ARSB: variants seen among roughly 807,000 people sequenced by gnomAD.
ARSB encodes N-acetylgalactosamine-4-sulfatase.
ARSB carries 41 observed loss-of-function variants against 50.9 expected under a neutral mutation model. The ratio of observed to expected loss-of-function variants is 0.81; its 90% CI spans 0.63 to 1.04. The LOEUF (loss-of-function observed/expected upper bound fraction) is 1.04, where lower values mean the gene tolerates loss of function less well. Among genes scored for constraint, ARSB ranks in the 50% least tolerant of loss-of-function variants. ARSB has a pLI of 0.00. For synonymous variants in ARSB, 269 were observed against 284.8 expected, an observed-to-expected ratio of 0.94 and a Z score of 0.56; for missense variants, 672 against 693.3, an observed-to-expected ratio of 0.97 and a Z score of 0.35.
intron 5 of ARSB, among the ~76,000 whole-genome samples, chr5:78,869,900 A>C (rs1747034987): frequency 6.6e-6 from 1 of 151,526 alleles, no homozygotes; most frequent in African/African-American, 2.4e-5. Context: ...GGATCAACAA[A>C]ATTGATAGAC....
intron 1 of ARSB, among the ~76,000 whole-genome samples, chr5:78,971,979 C>T (rs1752472574): frequency 1.3e-5 from 2 of 152,244 alleles, no homozygotes; most frequent in African/African-American, 4.8e-5. Context: ...AGACACCTAT[C>T]TACATTGGGA....
intron 3 of ARSB, among the ~76,000 whole-genome samples, chr5:78,957,290 G>A (rs1339560366): frequency 1.4e-4 from 22 of 152,186 alleles, no homozygotes; most frequent in Non-Finnish European, 4.4e-5. Context: ...TGGTGGGGGG[G>A]TGGTGCTCAT....
intron 4 of ARSB, among the ~76,000 whole-genome samples, chr5:78,937,196 A>G (rs372915399): frequency 2.0e-5 from 3 of 151,200 alleles, no homozygotes; most frequent in East Asian, 3.9e-4. Context: ...GTAAACCCAA[A>G]CAAATTGGAA....
intron 4 of ARSB, among the ~76,000 whole-genome samples, chr5:78,891,451 A>T (rs1381228330): frequency 1.3e-5 from 2 of 152,184 alleles, no homozygotes; most frequent in East Asian, 3.9e-4. Flanking sequence ...GAAAGAACTC[A>T]CTTATTCCTT....
intron 4 of ARSB, among the ~76,000 whole-genome samples, chr5:78,911,259 G>A (rs1273325016): frequency 6.6e-6 from 1 of 152,008 alleles, no homozygotes; most frequent in Non-Finnish European, 1.5e-5. Context: ...TTATAATAAT[G>A]AGTCCCTGGG....
intron 5 of ARSB, among the ~76,000 whole-genome samples, chr5:78,847,525 C>A (rs1035377579): frequency 1.3e-5 from 2 of 152,116 alleles, no homozygotes; most frequent in Admixed American, 1.3e-4. Context: ...CTAAAGTTTT[C>A]TTTTCTTGTT....
chr5:78,793,310 C>T (rs879493455), intron 6 of ARSB, among the ~76,000 whole-genome samples: 1 of 152,118 alleles, frequency 6.6e-6, no homozygotes, highest in Non-Finnish European at 1.5e-5. Flanking sequence ...TTTCATGCTG[C>T]CTGCAGTGGG....
At chr5:78,906,367 A>T (rs955239470) in intron 4 of ARSB, among the ~76,000 whole-genome samples, 3 of 152,072 alleles carry the variant, frequency 2.0e-5, no homozygotes, top group African/African-American at 7.2e-5. Context: ...CAAATAAAAT[A>T]GGAATTCCCC....
chr5:78,864,104 A>C (rs1424884770), intron 5 of ARSB, among the ~76,000 whole-genome samples: 1 of 151,956 alleles, frequency 6.6e-6, no homozygotes, highest in Non-Finnish European at 1.5e-5. Context: ...TGAGACCTGA[A>C]GAGTCAGGAC....
At chr5:78,935,452 C>T (rs536247891) in intron 4 of ARSB, among the ~76,000 whole-genome samples, 1 of 152,338 alleles carries the variant, frequency 6.6e-6, no homozygotes, top group East Asian at 1.9e-4. Flanking sequence ...TAGTCAGCCT[C>T]ATTCCCTACT....
At chr5:78,909,181 C>T (rs1735540469) in intron 4 of ARSB, among the ~76,000 whole-genome samples, 1 of 152,178 alleles carries the variant, frequency 6.6e-6, no homozygotes. Context: ...GGACCATGTG[C>T]CCTTATCCTC....
At chr5:78,827,441 C>T (rs959085734) in intron 6 of ARSB, among the ~76,000 whole-genome samples, 3 of 152,142 alleles carry the variant, frequency 2.0e-5, no homozygotes, top group Non-Finnish European at 4.4e-5. Context: ...GAGCTCCTGG[C>T]CTCATGCAAT....
intron 5 of ARSB, among the ~76,000 whole-genome samples, chr5:78,843,781 T>C (rs1428759927): frequency 2.0e-5 from 3 of 152,220 alleles, no homozygotes; most frequent in Non-Finnish European, 1.5e-5. Flanking sequence ...ATTCTGGACA[T>C]TTCATATAAC....
intron 2 of ARSB, among the ~76,000 whole-genome samples, chr5:78,966,077 T>G (rs985237310): frequency 1.3e-5 from 2 of 152,248 alleles, no homozygotes; most frequent in Non-Finnish European, 2.9e-5. Flanking sequence ...GCATTAAAGC[T>G]TGAGGAAATC....
intron 4 of ARSB, among the ~76,000 whole-genome samples, chr5:78,891,726 C>T (rs1243169735): frequency 6.6e-6 from 1 of 152,146 alleles, no homozygotes; most frequent in Non-Finnish European, 1.5e-5. Context: ...ACATTAGAGA[C>T]TAGGGTGTCT....
At chr5:78,872,865 C>G (rs927129137) in intron 5 of ARSB, among the ~76,000 whole-genome samples, 3 of 149,562 alleles carry the variant, frequency 2.0e-5, no homozygotes, top group African/African-American at 7.4e-5. Context: ...AGAAACTGCA[C>G]TTCACTATAG....
In ARSB at chr5:78,780,211, A is replaced by C; in HGVS notation, c.*186T>G. 1 of 728,470 alleles carries C rather than the reference A, an allele frequency of 1.4e-6. No individual in the cohort carries two copies. The highest frequency in any genetic ancestry group is 2.3e-6 in the Non-Finnish European group (1 of 439,808). 45.1% of individuals were successfully genotyped at this position (728,470 alleles called of 1,614,324 possible). A position where few individuals can be genotyped will look rare whatever the true frequency, so the allele number is the denominator to read the frequency against. On this transcript the variant is annotated 3_prime_UTR_variant, in exon 8 of 8. Transcript: ENST00000264914. ...CTAGACACATGCTCCAGCCAACAGCAGGAGTGTTGCAGATTTTATCAGCTT... is the reference window on the plus strand; with the variant it reads ...CTAGACACATGCTCCAGCCAACAGCCGGAGTGTTGCAGATTTTATCAGCTT...
At chr5:78,956,801 T>C (rs1751747732) in intron 3 of ARSB, among the ~76,000 whole-genome samples, 1 of 152,220 alleles carries the variant, frequency 6.6e-6, no homozygotes, top group Admixed American at 6.5e-5. Context: ...CAACTCCACA[T>C]TAACCGAAGA....
chr5:78,789,800 T>C (rs1749188810), intron 6 of ARSB, among the ~76,000 whole-genome samples: 1 of 152,204 alleles, frequency 6.6e-6, no homozygotes, highest in Non-Finnish European at 1.5e-5. Flanking sequence ...AATTTAATCC[T>C]CGTGAAAGTC....
Sources: gnomAD v4.1 joint callset for allele counts (sites outside exome capture counted in the v4.1 genomes callset) on GRCh38, gnomAD v4.1.1 for gene constraint, MANE v1.5 for transcripts, NCBI Gene and HGNC (gene_info 2026-07-23, HGNC 2026-07-21) for gene names.